The following DNAH17 variants were observed in gnomAD, a reference collection of about 807,000 sequenced individuals.
DNAH17 encodes axonemal beta dynein heavy chain 17.
In DNAH17, 376 loss-of-function variants were observed where a neutral mutation model predicts 485.6. The observed-to-expected ratio is 0.77, with a 90% CI of 0.71 to 0.84. DNAH17 has a LOEUF of 0.84. Among genes scored for constraint, DNAH17 ranks in the 40% least tolerant of loss-of-function variants. The pLI is 0.00. For synonymous variants in DNAH17, 3,031 were observed against 2,405.9 expected, an observed-to-expected ratio of 1.26 and a Z score of -7.60; for missense variants, 6,370 against 5,839.3, an observed-to-expected ratio of 1.09 and a Z score of -2.96.
At chr17:78,493,741 C>T (rs766728175) in intron 41 of DNAH17, among the ~76,000 whole-genome samples, 1 of 152,214 alleles carries the variant, frequency 6.6e-6, no homozygotes, top group Non-Finnish European at 1.5e-5. Context: ...TGGGTTGGGC[C>T]GGCCACAGGG....
chr17:78,460,321 C>CGTGCATGTGTGCGCATGTGT, intron 58 of DNAH17, 64 bp from the exon 59 acceptor site: 4 of 872,166 alleles, frequency 4.6e-6, no homozygotes, highest in Non-Finnish European at 7.0e-6. Flanking sequence ...GGGGCGTGTA[C>CGTGCATGTGTGCGCATGTGT]GTGCATGTGT....
In DNAH17 at chr17:78,474,987, G is replaced by C. The variant is rs7405756; in HGVS notation, c.8511+291C>G. Reference sequence around the variant, plus strand: ...TCACATGGGCTGGAAGGTTTCACACGCTTCACCTCAGTCACATGGACATGC... The same window carrying C: ...TCACATGGGCTGGAAGGTTTCACACCCTTCACCTCAGTCACATGGACATGC... On this transcript the variant is annotated intron_variant, in intron 54 of 80. Transcript: ENST00000389840. 0.12 allele frequency among the ~76,000 whole-genome samples: 11,197 copies of C among 90,076 alleles called. 1,343 individuals are homozygous for C. Among genetic ancestry groups the C allele is most frequent in the African/African-American group, 0.34 (5,446 of 16,012 alleles). 59.1% of individuals were successfully genotyped at this position (90,076 alleles called of 152,430 possible).
chr17:78,551,722 G>A (rs1329699042), intron 15 of DNAH17, 84 bp from the exon 16 acceptor site: 2 of 1,327,282 alleles, frequency 1.5e-6, no homozygotes, highest in African/African-American at 1.4e-5. Flanking sequence ...TCAGCCCTTT[G>A]GGAGGTCAGG....
At position 78,437,707 on chromosome 17, in the gene DNAH17, C is replaced by T; in HGVS notation, c.11967G>A (p.Lys3989=). The change falls in exon 74 of 81, where the codon AAG becomes AAA. Residue 3989 remains lysine (K), a synonymous_variant. Transcript: ENST00000389840. ...TGCCCGTGGGGGGCTCGTTGGTGAT[C>T]TTGATGGCGTTCTCCAGAATGCCCT... is the stretch of plus-strand genomic sequence containing the variant. ...IPQGILENAI[K]ITNEPPTGMH... is the part of the protein sequence containing the mutation. The T allele has an allele frequency of 6.2e-7, 1 of 1,612,380 alleles. No homozygotes were observed. The highest frequency in any genetic ancestry group is 1.1e-5 in the South Asian group (1 of 91,042).
chr17:78,548,724 G>A (rs1463183314), intron 16 of DNAH17, among the ~76,000 whole-genome samples: 1 of 152,208 alleles, frequency 6.6e-6, no homozygotes. Flanking sequence ...TTGATTCCAG[G>A]CCTGATGGAC....
chr17:78,570,425 T>C (rs2143722794), intron 6 of DNAH17, 53 bp from the exon 7 acceptor site: 1 of 1,569,712 alleles, frequency 6.4e-7, no homozygotes, highest in Non-Finnish European at 8.6e-7. Flanking sequence ...CTGCACCTTA[T>C]CCCGGTGTCC....
rs74539390 is a variant in DNAH17, at chr17:78,534,654, T to C, written c.2860-1918A>G. ...GGCATCTACCTGCTCCAGCTGAGAT[T>C]GTCCCCTGCAGTCCTTTGGATCTCC... is the stretch of plus-strand genomic sequence containing the variant. On this transcript the variant is annotated intron_variant, in intron 19 of 80. Transcript: ENST00000389840. Among the ~76,000 whole-genome samples, 1,036 of 152,292 alleles carry C rather than the reference T, an allele frequency of 6.8e-3. 26 individuals carry two copies. Among genetic ancestry groups the C allele is most frequent in the East Asian group, 0.06 (313 of 5,178 alleles).
At position 78,490,813 on chromosome 17, in the gene DNAH17, A is replaced by AG; in HGVS notation, c.6703dup (p.Leu2235ProfsTer62). On this transcript the variant is annotated frameshift_variant, in exon 44 of 81. Transcript: ENST00000389840. LOFTEE classifies it high-confidence loss of function. The stretch of plus-strand genomic sequence containing the variant: ...GAACACCAGCCTCATGGTGCGGTTC[A>AG]GGGGGATCCGCTCGTTGCTGGCCAG... 6.2e-7 allele frequency: 1 copy of AG among 1,604,422 alleles called. No homozygotes were observed. The highest frequency in any genetic ancestry group is 8.5e-7 in the Non-Finnish European group (1 of 1,175,618).
intron 57 of DNAH17, among the ~76,000 whole-genome samples, 176 bp downstream of exon 57, chr17:78,462,668 G>A (rs1052726248): frequency 4.6e-5 from 7 of 152,218 alleles, no homozygotes; most frequent in African/African-American, 1.4e-4. Flanking sequence ...GTTACGACAA[G>A]TATACTAACT....
chr17:78,506,982 A>C, intron 29 of DNAH17, 136 bp from the exon 30 acceptor site: 1 of 1,317,214 alleles, frequency 7.6e-7, no homozygotes, highest in Middle Eastern at 2.7e-4. Context: ...TTTAATTCAG[A>C]ATCTCCTACC....
At chr17:78,466,289 A>G (rs1011922505) in intron 56 of DNAH17, among the ~76,000 whole-genome samples, 5 of 152,198 alleles carry the variant, frequency 3.3e-5, no homozygotes, top group Non-Finnish European at 7.3e-5. Flanking sequence ...GGACACAAAC[A>G]CTGCCGAAGG....
In DNAH17 at chr17:78,502,632, C is replaced by T; in HGVS notation, c.5149G>A (p.Glu1717Lys). The stretch of plus-strand genomic sequence containing the variant: ...TCTCTGATAGCGTTTTCATAGCCTT[C>T]CTCCAGCCTGGCAAATGCCAGGCCC... ...EVGLAFARLE[E>K]GYENAIRDYN... Residue 1717 changes from glutamate to lysine, a missense_variant, in exon 33 of 81, where the codon GAA becomes AAA. Physicochemically the swap from Glu to Lys is moderately conservative, Grantham distance 56. Coordinates refer to ENST00000389840, the MANE Select transcript of DNAH17 (RefSeq NM_173628.4). 5.6e-6 allele frequency: 9 copies of T among 1,613,330 alleles called. No individual in the cohort carries two copies. Among genetic ancestry groups the T allele is most frequent in the East Asian group, 2.2e-5 (1 of 44,878 alleles).
rs1450721438 is a variant in DNAH17 at position 78,527,007 on chromosome 17, C to T, written c.3508-11G>A. On this transcript the variant is annotated splice_polypyrimidine_tract_variant and intron_variant, in intron 22 of 80. Coordinates refer to ENST00000389840, the MANE Select transcript of DNAH17 (RefSeq NM_173628.4). ...GTGCTCCGGCAGCTCCTGCGGGAAG[C>T]AAAGGCAGAGGAGGGCTCCTTTCTC... is the stretch of plus-strand genomic sequence containing the variant. The T allele has an allele frequency of 4.5e-6, 7 of 1,555,816 alleles. No individual in the cohort carries two copies. Among genetic ancestry groups the T allele is most frequent in the Non-Finnish European group, 5.2e-6 (6 of 1,149,090 alleles).
intron 47 of DNAH17, 121 bp downstream of exon 47, chr17:78,485,429 G>T: frequency 2.1e-6 from 2 of 958,784 alleles, no homozygotes; most frequent in Non-Finnish European, 1.5e-6. Flanking sequence ...GGTGGGGCAT[G>T]GGAAGTGAGG....
Position 78,574,649 on chromosome 17 carries a change from T to C in DNAH17, c.345+64A>G, listed in dbSNP as rs551819334. The C allele has an allele frequency of 1.2e-5, 17 of 1,436,086 alleles. No individual in the cohort carries two copies. The South Asian group carries it at 2.2e-4, about 19-fold the overall frequency. The allele number at this position is 1,436,086 out of a possible 1,614,324, so 89.0% of individuals were successfully genotyped here. A position where few individuals can be genotyped will look rare whatever the true frequency, so the allele number is the denominator to read the frequency against. On this transcript the variant is annotated intron_variant, in intron 2 of 80. Coordinates refer to ENST00000389840, the MANE Select transcript of DNAH17 (RefSeq NM_173628.4). Reference sequence around the variant, plus strand: ...GGGACTCCAGGCTGAGCAGCAGGACTCAAGGCCGCTCCCGAGAAGTCGGTC... The same window carrying C: ...GGGACTCCAGGCTGAGCAGCAGGACCCAAGGCCGCTCCCGAGAAGTCGGTC...
chr17:78,456,223 C>T lies in DNAH17; in HGVS notation c.9978-387G>A, dbSNP rs150897917. Reference sequence around the variant, plus strand: ...CCGAGGCGGGAGAATTGCTTGAACCCGGGAGGCGGAGGTTGCAGGGAGCCG... The same window carrying T: ...CCGAGGCGGGAGAATTGCTTGAACCTGGGAGGCGGAGGTTGCAGGGAGCCG... On this transcript the variant is annotated intron_variant, in intron 62 of 80. Coordinates refer to ENST00000389840, the MANE Select transcript of DNAH17 (RefSeq NM_173628.4). Among the ~76,000 whole-genome samples, 641 of 152,252 alleles carry T rather than the reference C, an allele frequency of 4.2e-3. 3 individuals carry two copies. Among genetic ancestry groups the T allele is most frequent in the African/African-American group, 0.015 (603 of 41,554 alleles).
chr17:78,526,197 G>A (rs1193051656), intron 24 of DNAH17, among the ~76,000 whole-genome samples: 1 of 152,238 alleles, frequency 6.6e-6, no homozygotes, highest in South Asian at 2.1e-4. Context: ...GGAACAGAGT[G>A]GGAACACGAG....
chr17:78,572,579 A>G, intron 3 of DNAH17, 122 bp downstream of exon 3: 1 of 922,882 alleles, frequency 1.1e-6, no homozygotes, highest in Non-Finnish European at 1.6e-6. Flanking sequence ...CGGCTTTAAC[A>G]TGTGAAGCCA....
At position 78,428,692 on chromosome 17, in the gene DNAH17, T is replaced by C. The variant is rs763020624; in HGVS notation, c.12421A>G (p.Ile4141Val). The C allele has an allele frequency of 4.3e-6, 7 of 1,613,776 alleles. No individual in the cohort carries two copies. In the East Asian group the frequency reaches 1.6e-4, roughly 36 times the overall value. The change falls in exon 77 of 81, where the codon ATC (isoleucine) becomes GTC (valine). Residue 4141 changes from isoleucine to valine, a missense_variant. Transcript: ENST00000389840. ...NLDYKGYHEY[I>V]DENLPPESPY... ...CTCTCAGGGGGCAGGTTCTCATCGA[T>C]GTATTCGTGGTAACCCTGAAAAAGA... is the stretch of plus-strand genomic sequence containing the variant.
Sources: gnomAD v4.1 joint callset for allele counts (sites outside exome capture counted in the v4.1 genomes callset) on GRCh38, gnomAD v4.1.1 for gene constraint, MANE v1.5 for transcripts, NCBI Gene and HGNC (gene_info 2026-07-23, HGNC 2026-07-21) for gene names.